Variants in BRDT observed in about 807,000 individuals in gnomAD.
The protein encoded by BRDT is bromodomain testis associated.
Under a neutral mutation model 113.9 loss-of-function variants are expected in BRDT, and 77 were observed. The ratio of observed to expected loss-of-function variants is 0.68; its 90% CI spans 0.56 to 0.82. The LOEUF (loss-of-function observed/expected upper bound fraction) is 0.82, where lower values mean the gene tolerates loss of function less well. BRDT is among the 40% of genes least tolerant of loss of function. The probability of loss-of-function intolerance (pLI) is 0.00; values close to 1 mark genes in which losing one functional copy is unlikely to be tolerated. For missense variants in BRDT, 1,027 were observed against 1,105.4 expected, an observed-to-expected ratio of 0.93 and a Z score of 1.01; for synonymous variants, 358 against 366.5, an observed-to-expected ratio of 0.98 and a Z score of 0.26.
intron 14 of BRDT, among the ~76,000 whole-genome samples, chr1:91,993,544 T>C (rs1685994632): frequency 6.6e-6 from 1 of 152,228 alleles, no homozygotes; most frequent in Non-Finnish European, 1.5e-5. Flanking sequence ...AAATGTTAGC[T>C]ATTATTACAC....
intron 1 of BRDT, among the ~76,000 whole-genome samples, chr1:91,953,299 A>G (rs752345327): frequency 6.6e-6 from 1 of 152,206 alleles, no homozygotes; most frequent in Non-Finnish European, 1.5e-5. Flanking sequence ...CTTTAGTTCT[A>G]TGCTGTGCTG....
At chr1:91,957,999 C>T (rs1209425137) in intron 1 of BRDT, among the ~76,000 whole-genome samples, 1 of 151,994 alleles carries the variant, frequency 6.6e-6, no homozygotes, top group Non-Finnish European at 1.5e-5. Flanking sequence ...GCCACATTGC[C>T]TGGCTAACTT....
intron 17 of BRDT, 118 bp from the exon 18 acceptor site, chr1:92,005,001 G>T: frequency 5.1e-6 from 4 of 778,424 alleles, no homozygotes; most frequent in Non-Finnish European, 7.5e-6. Flanking sequence ...TTAAAATAAT[G>T]TTATAACATG....
intron 14 of BRDT, among the ~76,000 whole-genome samples, chr1:91,993,853 T>C (rs561547577): frequency 6.6e-6 from 1 of 152,362 alleles, no homozygotes; most frequent in East Asian, 1.9e-4. Context: ...TTTGACTTAC[T>C]CTACCTCTTG....
At chr1:91,959,345 G>A (rs1326520394) in intron 1 of BRDT, among the ~76,000 whole-genome samples, 1 of 151,896 alleles carries the variant, frequency 6.6e-6, no homozygotes, top group Non-Finnish European at 1.5e-5. Context: ...TACAAAGCCA[G>A]GATAAGAGCC....
chr1:91,992,019 GAAAAGA>G (rs1685828555), intron 13 of BRDT, among the ~76,000 whole-genome samples: 1 of 93,548 alleles, frequency 1.1e-5, no homozygotes, highest in African/African-American at 3.8e-5. Context: ...AAAAAAAAAA[GAAAAGA>G]AAAAGAAAAG....
chr1:91,981,453 C>T, intron 11 of BRDT, 72 bp downstream of exon 11: 1 of 1,504,656 alleles, frequency 6.6e-7, no homozygotes, highest in African/African-American at 1.4e-5. Context: ...TGATATTGCC[C>T]AGGCTGGTCT....
At chr1:91,975,840 A>G (rs921803301) in intron 4 of BRDT, among the ~76,000 whole-genome samples, 1 of 152,202 alleles carries the variant, frequency 6.6e-6, no homozygotes, top group Admixed American at 6.5e-5. Context: ...AGAGAATCCT[A>G]TTCACATCTT....
At chr1:91,982,984 G>C (rs1684853317) in intron 12 of BRDT, among the ~76,000 whole-genome samples, 1 of 152,056 alleles carries the variant, frequency 6.6e-6, no homozygotes, top group African/African-American at 2.4e-5. Context: ...AGAGCACTTT[G>C]TCTTTTATTT....
chr1:92,010,185 C>A (rs1226546212), intron 18 of BRDT, among the ~76,000 whole-genome samples: 1 of 151,932 alleles, frequency 6.6e-6, no homozygotes, highest in Non-Finnish European at 1.5e-5. Context: ...AATAATATCC[C>A]ACCTCACTCC....
At chr1:91,980,841 T>A (rs2303967) in intron 9 of BRDT, 26 bp downstream of exon 9, 1,233,199 of 1,590,766 alleles carry the variant, frequency 0.78, 481,682 homozygotes, top group Middle Eastern at 0.79. Flanking sequence ...TATGATAGCT[T>A]ATTAAGACAA....
At chr1:92,007,645 T>G (rs2101822913) in intron 18 of BRDT, among the ~76,000 whole-genome samples, 1 of 152,330 alleles carries the variant, frequency 6.6e-6, no homozygotes, top group East Asian at 1.9e-4. Context: ...TTTGTTTTCC[T>G]ATTTTAGTGG....
intron 1 of BRDT, among the ~76,000 whole-genome samples, chr1:91,960,224 G>A (rs140580126): frequency 1.2e-4 from 19 of 152,204 alleles, no homozygotes; most frequent in African/African-American, 4.1e-4. Flanking sequence ...TGAAAGCAGG[G>A]TCCTGAGACA....
At chr1:91,963,704 AAAC>A (rs1349296459) in intron 2 of BRDT, among the ~76,000 whole-genome samples, 1 of 152,138 alleles carries the variant, frequency 6.6e-6, no homozygotes, top group East Asian at 1.9e-4. Flanking sequence ...GACTCCATAA[AAAC>A]AAGGTTCTTT....
chr1:91,982,432 C>G (rs1684808940), intron 12 of BRDT, among the ~76,000 whole-genome samples: 1 of 152,130 alleles, frequency 6.6e-6, no homozygotes, highest in African/African-American at 2.4e-5. Flanking sequence ...TAAGTAATCA[C>G]TACCCCAAGA....
chr1:91,963,124 G>T lies in BRDT; in HGVS notation c.192+178G>T, dbSNP rs1164985160. Among the ~76,000 whole-genome samples the T allele has an allele frequency of 2.0e-5, 3 of 152,166 alleles. 1 individual carries two copies. The highest frequency in any genetic ancestry group is 2.0e-4 in the Admixed American group (3 of 15,274). ...AGATCACCTGAGGTCGGGAGTTCGA[G>T]ACCAGCCTGACCAACATGGAGAGAC... On this transcript the variant is annotated intron_variant, in intron 2 of 18. Transcript: ENST00000399546.
In BRDT at chr1:91,965,011, T is replaced by C. The variant is rs574337678; in HGVS notation, c.330+247T>C. The stretch of plus-strand genomic sequence containing the variant: ...TGCAACCTCTGCCCCCAGGTTCAAG[T>C]GATTCTCCTGCCTCAGCCTCCCGAG... On this transcript the variant is annotated intron_variant, in intron 3 of 18. Transcript: ENST00000399546. 4.0e-4 allele frequency among the ~76,000 whole-genome samples: 61 copies of C among 150,970 alleles called. 1 individual carries two copies. The South Asian group carries it at 9.6e-3, about 24-fold the overall frequency.
At chr1:91,967,077 T>C (rs1277957523) in intron 3 of BRDT, among the ~76,000 whole-genome samples, 1 of 152,096 alleles carries the variant, frequency 6.6e-6, no homozygotes, top group East Asian at 1.9e-4. Context: ...GTTGAATATG[T>C]TGGTAGAGTT....
intron 4 of BRDT, among the ~76,000 whole-genome samples, chr1:91,969,046 C>T (rs996593108): frequency 3.3e-5 from 5 of 152,064 alleles, no homozygotes; most frequent in Non-Finnish European, 7.4e-5. Flanking sequence ...AAGCCATTCT[C>T]CTGCCTCAGC....
Sources: gnomAD v4.1 joint callset for allele counts (sites outside exome capture counted in the v4.1 genomes callset) on GRCh38, gnomAD v4.1.1 for gene constraint, MANE v1.5 for transcripts, NCBI Gene and HGNC (gene_info 2026-07-23, HGNC 2026-07-21) for gene names.